The following TYW1 variants were observed in gnomAD, a reference collection of about 807,000 sequenced individuals.
The protein encoded by TYW1 is tRNA-yW synthesizing protein 1 homolog.
Under a neutral mutation model 96.2 loss-of-function variants are expected in TYW1, and 46 were observed. The observed-to-expected ratio is 0.48, with a 90% CI of 0.38 to 0.61. The LOEUF is 0.61. Ranked by LOEUF, TYW1 falls within the 20% of genes least tolerant of loss-of-function variation. The probability of loss-of-function intolerance (pLI) is 0.00; values close to 1 mark genes in which losing one functional copy is unlikely to be tolerated. For synonymous variants in TYW1, 274 were observed against 323.0 expected, an observed-to-expected ratio of 0.85 and a Z score of 1.63; for missense variants, 684 against 909.6, an observed-to-expected ratio of 0.75 and a Z score of 3.19.
chr7:67,110,652 C>T (rs1797375260), intron 12 of TYW1, among the ~76,000 whole-genome samples: 1 of 152,110 alleles, frequency 6.6e-6, no homozygotes, highest in Non-Finnish European at 1.5e-5. Context: ...AAGTAACCAA[C>T]CAAACCAAAC....
At chr7:67,207,362 T>A (rs1448284566) in intron 15 of TYW1, among the ~76,000 whole-genome samples, 1 of 152,210 alleles carries the variant, frequency 6.6e-6, no homozygotes, top group South Asian at 2.1e-4. Context: ...TTTTGGTACC[T>A]ACCAACCTTC....
chr7:66,997,816 G>A lies in TYW1; in HGVS notation c.5-249G>A, dbSNP rs370311135. On this transcript the variant is annotated intron_variant, in intron 1 of 15. Transcript: ENST00000359626. ...GCTAATTTTTGTATTTTTAGTAGAG[G>A]CGGGGTTTCACCATGTTGGCCAGGC... Among the ~76,000 whole-genome samples the A allele has an allele frequency of 1.4e-4, 22 of 151,806 alleles. No individual in the cohort carries two copies. The East Asian group carries it at 3.9e-3, about 27-fold the overall frequency.
intron 7 of TYW1, among the ~76,000 whole-genome samples, chr7:67,031,631 A>AAAAAC (rs1229224653): frequency 2.8e-5 from 2 of 71,046 alleles, no homozygotes; most frequent in East Asian, 3.8e-4. Context: ...ATTCCTTCTC[A>AAAAAC]AAAACAAAAC....
chr7:67,235,210 A>G (rs904213626), intron 15 of TYW1, among the ~76,000 whole-genome samples: 4 of 152,196 alleles, frequency 2.6e-5, no homozygotes, highest in Non-Finnish European at 5.9e-5. Flanking sequence ...TACAGGGCCA[A>G]GCTTGTGTGA....
At chr7:67,010,629 C>T (rs1793763681) in intron 4 of TYW1, among the ~76,000 whole-genome samples, 1 of 152,042 alleles carries the variant, frequency 6.6e-6, no homozygotes, top group Non-Finnish European at 1.5e-5. Flanking sequence ...GCGCCCGCCG[C>T]CACACCCGAC....
At chr7:67,159,713 G>A (rs1584635069) in intron 13 of TYW1, among the ~76,000 whole-genome samples, 1 of 152,186 alleles carries the variant, frequency 6.6e-6, no homozygotes, top group Middle Eastern at 3.4e-3. Flanking sequence ...CTATCATTTA[G>A]CCATGCTGTA....
At chr7:67,063,443 G>C (rs140938136) in intron 9 of TYW1, among the ~76,000 whole-genome samples, 1 of 152,214 alleles carries the variant, frequency 6.6e-6, no homozygotes, top group African/African-American at 2.4e-5. Context: ...TCAAGAAAAA[G>C]AAAATGCATA....
chr7:67,161,957 G>C (rs1327509105), intron 13 of TYW1, among the ~76,000 whole-genome samples: 1 of 151,950 alleles, frequency 6.6e-6, no homozygotes, highest in Admixed American at 6.6e-5. Context: ...TGTTTTTGTT[G>C]TTTTGCAAGA....
rs1027528139 is a variant in TYW1, at chr7:67,107,874, CTT to C, written c.1562+9175_1562+9176del. 3.8e-3 allele frequency among the ~76,000 whole-genome samples: 459 copies of C among 121,400 alleles called. 1 individual carries two copies. The highest frequency in any genetic ancestry group is 0.012 in the African/African-American group (385 of 32,206). 79.6% of individuals were successfully genotyped at this position (121,400 alleles called of 152,430 possible). On this transcript the variant is annotated intron_variant, in intron 12 of 15. Coordinates refer to ENST00000359626, the MANE Select transcript of TYW1 (RefSeq NM_018264.4). ...AGCCACCATGCCTGGCCAAGATGGA[CTT>C]TTTTTTTTTTTTTTTTTTAAGATAG... is the stretch of plus-strand genomic sequence containing the variant.
At chr7:67,115,892 G>C (rs1017159519) in intron 12 of TYW1, among the ~76,000 whole-genome samples, 3 of 152,194 alleles carry the variant, frequency 2.0e-5, no homozygotes, top group Non-Finnish European at 2.9e-5. Context: ...ATAAATTGTG[G>C]AATCCTTATA....
chr7:67,130,886 G>A (rs1798052168), intron 13 of TYW1, among the ~76,000 whole-genome samples: 1 of 152,158 alleles, frequency 6.6e-6, no homozygotes, highest in African/African-American at 2.4e-5. Flanking sequence ...GAGAGCAGGG[G>A]TTGGTGTGAC....
chr7:67,139,931 G>C (rs535179103), intron 13 of TYW1, among the ~76,000 whole-genome samples: 81 of 152,158 alleles, frequency 5.3e-4, no homozygotes, highest in African/African-American at 1.9e-3. Context: ...TTTTCATGCT[G>C]CTGATAAAGA....
intron 7 of TYW1, among the ~76,000 whole-genome samples, chr7:67,045,994 T>C (rs1795174937): frequency 6.6e-6 from 1 of 152,146 alleles, no homozygotes; most frequent in South Asian, 2.1e-4. Flanking sequence ...AAAGGCTTTA[T>C]TGGGAGTCGA....
At chr7:67,052,113 A>G (rs949094931) in intron 8 of TYW1, among the ~76,000 whole-genome samples, 1 of 152,156 alleles carries the variant, frequency 6.6e-6, no homozygotes, top group Non-Finnish European at 1.5e-5. Flanking sequence ...CAATTTAATT[A>G]TAATGTGCCT....
chr7:67,087,545 A>G lies in TYW1; in HGVS notation c.1384+4006A>G, dbSNP rs188333299. Among the ~76,000 whole-genome samples, 83 of 152,290 alleles carry G rather than the reference A, an allele frequency of 5.5e-4. 1 individual carries two copies. The highest frequency in any genetic ancestry group is 1.8e-4 in the Non-Finnish European group (12 of 68,022). ...ACTGCCACCAATTTCATTCTTAAAA[A>G]TGGTATTTATACAGTATCTATTTTA... On this transcript the variant is annotated intron_variant, in intron 11 of 15. Transcript: ENST00000359626.
At chr7:67,092,948 G>A (rs1796773316) in intron 11 of TYW1, among the ~76,000 whole-genome samples, 1 of 151,972 alleles carries the variant, frequency 6.6e-6, no homozygotes, top group Admixed American at 6.6e-5. Context: ...CTCCCAAAGT[G>A]CTGAGATTAC....
intron 11 of TYW1, among the ~76,000 whole-genome samples, chr7:67,085,830 A>G (rs1287242326): frequency 6.6e-6 from 1 of 151,980 alleles, no homozygotes; most frequent in Non-Finnish European, 1.5e-5. Context: ...TTAGCCAGGC[A>G]TGGTGGTGTG....
chr7:67,015,440 G>A (rs547053682), intron 5 of TYW1, among the ~76,000 whole-genome samples: 100 of 152,240 alleles, frequency 6.6e-4, no homozygotes, highest in Middle Eastern at 3.4e-3. Context: ...GAACCTTGAA[G>A]TCCTAGGCTC....
At chr7:67,204,798 T>G (rs1369731573) in intron 15 of TYW1, among the ~76,000 whole-genome samples, 3 of 152,052 alleles carry the variant, frequency 2.0e-5, no homozygotes, top group Non-Finnish European at 2.9e-5. Context: ...TTCACCATGT[T>G]GGCCAGGCTG....
Sources: gnomAD v4.1 joint callset for allele counts (sites outside exome capture counted in the v4.1 genomes callset) on GRCh38, gnomAD v4.1.1 for gene constraint, MANE v1.5 for transcripts, NCBI Gene and HGNC (gene_info 2026-07-23, HGNC 2026-07-21) for gene names.